SV2C: variants seen among roughly 807,000 people sequenced by gnomAD.
The protein encoded by SV2C is solute carrier family 22 member B3.
Under a neutral mutation model 79.7 loss-of-function variants are expected in SV2C, and 49 were observed. The observed-to-expected ratio is 0.61, with a 90% CI of 0.49 to 0.78. The LOEUF (loss-of-function observed/expected upper bound fraction) is 0.78, where lower values mean the gene tolerates loss of function less well. Ranked by LOEUF, SV2C falls within the 30% of genes least tolerant of loss-of-function variation. The pLI, the probability that SV2C is intolerant of heterozygous loss-of-function variation, is 0.00. For missense variants in SV2C, 833 were observed against 912.9 expected, an observed-to-expected ratio of 0.91 and a Z score of 1.13; for synonymous variants, 334 against 333.2, an observed-to-expected ratio of 1.00 and a Z score of -0.03.
chr5:76,116,170 T>C (rs1748258736), intron 1 of SV2C, among the ~76,000 whole-genome samples: 1 of 152,206 alleles, frequency 6.6e-6, no homozygotes, highest in African/African-American at 2.4e-5. Context: ...GATACAGAAT[T>C]TCCACCATTG....
At chr5:75,997,697 G>C in the SV2C span, among the ~76,000 whole-genome samples, 1 of 152,184 alleles carries the variant, frequency 6.6e-6, no homozygotes, top group African/African-American at 2.4e-5. Flanking sequence ...AACAACAAGT[G>C]CTGGAGAGGA....
Position 76,325,381 on chromosome 5 carries a change from T to C in SV2C, c.2018T>C (p.Phe673Ser), listed in dbSNP as rs1178513581. 10 of 1,614,020 alleles carry C rather than the reference T, an allele frequency of 6.2e-6. No individual in the cohort carries two copies. Among genetic ancestry groups the C allele is most frequent in the Non-Finnish European group, 7.6e-6 (9 of 1,180,020 alleles). The change falls in exon 13 of 13, where the codon TTC becomes TCC. Residue 673 changes from phenylalanine to serine, a missense_variant. Transcript: ENST00000502798. ...CTTTGCAGGGCAACAGGCTTTGGCT[T>C]CTTAAATGCGCTATGCAAGGCAGCA... ...PTDRRATGFG[F>S]LNALCKAAAV... is the part of the protein sequence containing the mutation.
chr5:76,187,626 A>G (rs573300394), intron 2 of SV2C, among the ~76,000 whole-genome samples: 1 of 152,200 alleles, frequency 6.6e-6, no homozygotes, highest in East Asian at 1.9e-4. Context: ...TGATTTTGTG[A>G]AAGTCCACAG....
intron 12 of SV2C, among the ~76,000 whole-genome samples, chr5:76,347,250 A>C (rs536940095): frequency 6.6e-6 from 1 of 152,264 alleles, no homozygotes; most frequent in East Asian, 1.9e-4. Flanking sequence ...ATGGCCATCT[A>C]TGGATGGGGG....
At chr5:75,962,663 C>T in the SV2C span, among the ~76,000 whole-genome samples, 7 of 152,066 alleles carry the variant, frequency 4.6e-5, no homozygotes, top group Non-Finnish European at 1.5e-5. Context: ...AGCTAATGTT[C>T]CTTGGCTCTG....
the SV2C span, among the ~76,000 whole-genome samples, chr5:76,034,691 G>A: frequency 1.3e-5 from 2 of 152,204 alleles, no homozygotes; most frequent in African/African-American, 4.8e-5. Context: ...GTTCATCAAA[G>A]ATATTGGTCT....
At chr5:75,879,754 C>T in the SV2C span, among the ~76,000 whole-genome samples, 2,031 of 152,330 alleles carry the variant, frequency 0.013, 24 homozygotes, top group Non-Finnish European at 0.021. Flanking sequence ...CTAGGCAATG[C>T]CCCAGTGGGG....
At chr5:76,124,708 T>C (rs193047341) in intron 1 of SV2C, among the ~76,000 whole-genome samples, 242 of 152,346 alleles carry the variant, frequency 1.6e-3, no homozygotes, top group Non-Finnish European at 2.7e-3. Flanking sequence ...ACAGAGGCTG[T>C]ACCATTTCAT....
the SV2C span, among the ~76,000 whole-genome samples, chr5:75,950,848 C>T: frequency 6.6e-6 from 1 of 151,886 alleles, no homozygotes; most frequent in African/African-American, 2.4e-5. Flanking sequence ...ACAATTATTT[C>T]TTCCATAGTG....
intron 12 of SV2C, among the ~76,000 whole-genome samples, chr5:76,324,653 G>C (rs1443472663): frequency 2.0e-5 from 3 of 151,758 alleles, no homozygotes; most frequent in African/African-American, 7.3e-5. Flanking sequence ...AGACCAGCCA[G>C]GGCAACGCAG....
chr5:76,175,869 T>C (rs1338048889), intron 2 of SV2C, among the ~76,000 whole-genome samples: 1 of 152,186 alleles, frequency 6.6e-6, no homozygotes, highest in Non-Finnish European at 1.5e-5. Context: ...AGTCCAGCCC[T>C]GTCAGATCTG....
intron 2 of SV2C, among the ~76,000 whole-genome samples, chr5:76,161,471 A>G (rs1561242987): frequency 1.3e-5 from 2 of 152,148 alleles, no homozygotes; most frequent in Non-Finnish European, 2.9e-5. Context: ...AGCTGAGACA[A>G]CAGGCACATG....
At chr5:76,035,314 G>C in the SV2C span, among the ~76,000 whole-genome samples, 1 of 150,914 alleles carries the variant, frequency 6.6e-6, no homozygotes. Flanking sequence ...GTTTGCTCTT[G>C]CTTCTCTAGT....
intron 4 of SV2C, among the ~76,000 whole-genome samples, chr5:76,232,009 T>C (rs140078998): frequency 0.38 from 52,046 of 135,276 alleles, 11,795 homozygotes; most frequent in African/African-American, 0.46. Flanking sequence ...TGAGGAATCG[T>C]CACACCGACT....
the SV2C span, among the ~76,000 whole-genome samples, chr5:76,049,339 G>C: frequency 1.1e-4 from 15 of 135,512 alleles, no homozygotes; most frequent in South Asian, 2.4e-3. Context: ...AAAAAAAAAA[G>C]AAAAAAAAAA....
At chr5:76,319,082 G>GT (rs1394833548) in intron 12 of SV2C, among the ~76,000 whole-genome samples, 2 of 152,174 alleles carry the variant, frequency 1.3e-5, no homozygotes, top group East Asian at 1.9e-4. Context: ...TTTGTGAATG[G>GT]TTTTTCTAAT....
chr5:76,137,259 C>T (rs532792842), intron 2 of SV2C, among the ~76,000 whole-genome samples: 3 of 152,252 alleles, frequency 2.0e-5, no homozygotes, highest in Non-Finnish European at 4.4e-5. Flanking sequence ...AGTTAGGAGG[C>T]TAATGCAATA....
chr5:76,097,407 C>T (rs1476127024), intron 1 of SV2C, among the ~76,000 whole-genome samples: 1 of 152,122 alleles, frequency 6.6e-6, no homozygotes, highest in African/African-American at 2.4e-5. Context: ...TGGTGACAAA[C>T]CTATTTGTGA....
the SV2C span, among the ~76,000 whole-genome samples, chr5:76,026,533 C>T: frequency 3.9e-5 from 6 of 152,270 alleles, no homozygotes; most frequent in East Asian, 1.2e-3. Flanking sequence ...CATCCTTATC[C>T]TCCCACTGCA....
Sources: allele counts gnomAD v4.1 joint callset (sites outside exome capture counted in the v4.1 genomes callset), GRCh38; gene constraint gnomAD v4.1.1; transcripts MANE v1.5; gene names NCBI Gene and HGNC (gene_info 2026-07-23, HGNC 2026-07-21).